The following SLC66A3 variants were observed in gnomAD, a reference collection of about 807,000 sequenced individuals.
SLC66A3 encodes the protein PQ loop repeat containing 3.
A neutral mutation model predicts 25.5 loss-of-function variants in SLC66A3; 23 were observed. The observed-to-expected ratio is 0.90, with a 90% CI of 0.65 to 1.28. The LOEUF (loss-of-function observed/expected upper bound fraction) is 1.28, where lower values mean the gene tolerates loss of function less well. Ranked by LOEUF, SLC66A3 falls within the 50% of genes most tolerant of loss-of-function variation. The pLI, the probability that SLC66A3 is intolerant of heterozygous loss-of-function variation, is 0.00. For missense variants in SLC66A3, 246 were observed against 262.1 expected (o/e 0.94, Z 0.42); for synonymous variants, 108 against 112.6 (o/e 0.96, Z 0.26).
chr2:11,168,281 TG>T (rs1348253690), intron 4 of SLC66A3, among the ~76,000 whole-genome samples: 2 of 148,676 alleles, frequency 1.3e-5, no homozygotes, highest in African/African-American at 2.5e-5. Flanking sequence ...AGACTCTGTC[TG>T]AAAAAAAAAA....
chr2:11,163,449 C>A (rs1662194686), intron 3 of SLC66A3, among the ~76,000 whole-genome samples: 1 of 152,210 alleles, frequency 6.6e-6, no homozygotes, highest in African/African-American at 2.4e-5. Flanking sequence ...GTTCCACTGA[C>A]TTTTAGCACA....
intron 4 of SLC66A3, among the ~76,000 whole-genome samples, chr2:11,167,915 G>A (rs1408278614): frequency 2.0e-5 from 3 of 152,184 alleles, no homozygotes; most frequent in Non-Finnish European, 4.4e-5. Flanking sequence ...GTCCTAAACT[G>A]TGCTTTCATG....
At chr2:11,159,569 G>A (rs1662039338) in intron 1 of SLC66A3, among the ~76,000 whole-genome samples, 1 of 152,220 alleles carries the variant, frequency 6.6e-6, no homozygotes, top group African/African-American at 2.4e-5. Flanking sequence ...GCCTGTTTGT[G>A]AATCGGACTT....
chr2:11,177,036 C>T (rs1209547563), intron 6 of SLC66A3, among the ~76,000 whole-genome samples: 1 of 152,146 alleles, frequency 6.6e-6, no homozygotes, highest in African/African-American at 2.4e-5. Flanking sequence ...TAAAATATGC[C>T]TTGTCCTGTG....
chr2:11,160,530 C>G lies in SLC66A3; in HGVS notation c.208C>G (p.Pro70Ala), dbSNP rs563177731. ...GYPPLTYLEY[P>A]ILIAQDVILL... ...TCCGCCGCTGACCTACCTGGAGTAC[C>G]CCATCCTCATCGCGCAAGGTAACAG... Residue 70 changes from proline (P) to alanine (A), a missense_variant, in exon 2 of 7, where the codon CCC (proline) becomes GCC (alanine). Physicochemically the swap from Pro to Ala is conservative, Grantham distance 27. Transcript: ENST00000295083. 4 of 1,614,152 alleles carry G rather than the reference C, an allele frequency of 2.5e-6. No homozygotes were observed. In the East Asian group the frequency reaches 6.7e-5, roughly 27 times the overall value.
chr2:11,177,885 A>G lies in SLC66A3; in HGVS notation c.*57A>G. On this transcript the variant is annotated 3_prime_UTR_variant, in exon 7 of 7. Transcript: ENST00000295083. ...TGAGTAACTGAACCAAAGGAAAAAG[A>G]AGCTCTTTGCTAAATTAAGGTCTTT... is the stretch of plus-strand genomic sequence containing the variant. The G allele has an allele frequency of 9.6e-7, 1 of 1,041,916 alleles. No homozygotes were observed. 64.5% of individuals were successfully genotyped at this position (1,041,916 alleles called of 1,614,324 possible). A position where few individuals can be genotyped will look rare whatever the true frequency, so the allele number is the denominator to read the frequency against.
At chr2:11,158,830 A>T (rs1255699749) in intron 1 of SLC66A3, among the ~76,000 whole-genome samples, 3 of 152,186 alleles carry the variant, frequency 2.0e-5, no homozygotes, top group Non-Finnish European at 4.4e-5. Context: ...AAAAAAAAGA[A>T]ACATTAAAAA....
intron 4 of SLC66A3, among the ~76,000 whole-genome samples, chr2:11,166,433 G>A (rs1662345471): frequency 6.6e-6 from 1 of 151,784 alleles, no homozygotes; most frequent in Non-Finnish European, 1.5e-5. Context: ...CCTGCCACAC[G>A]CAGACTCATG....
chr2:11,169,046 T>A (rs906996328), intron 4 of SLC66A3, among the ~76,000 whole-genome samples: 1 of 151,996 alleles, frequency 6.6e-6, no homozygotes, highest in Non-Finnish European at 1.5e-5. Flanking sequence ...TTTGTAGAGA[T>A]GGGGTTTCAC....
chr2:11,171,662 G>A (rs925438396), intron 4 of SLC66A3, among the ~76,000 whole-genome samples: 6 of 151,872 alleles, frequency 4.0e-5, no homozygotes, highest in Admixed American at 2.6e-4. Flanking sequence ...TCCACCTCCC[G>A]GGTTCATGCC....
chr2:11,165,674 G>T, intron 4 of SLC66A3, among the ~76,000 whole-genome samples: 1 of 152,206 alleles, frequency 6.6e-6, no homozygotes, highest in Non-Finnish European at 1.5e-5. Context: ...CGGCTGGGAG[G>T]TGCAGGTTGT....
chr2:11,162,217 G>A (rs1662152647), intron 3 of SLC66A3, among the ~76,000 whole-genome samples: 1 of 152,182 alleles, frequency 6.6e-6, no homozygotes, highest in South Asian at 2.1e-4. Flanking sequence ...AGGGAGCTGG[G>A]TTCTGGCTGA....
chr2:11,174,182 T>C (rs912866696), intron 5 of SLC66A3, among the ~76,000 whole-genome samples: 11 of 152,156 alleles, frequency 7.2e-5, no homozygotes, highest in Admixed American at 7.2e-4. Flanking sequence ...GGTCTCGAAC[T>C]TCTGACCTCA....
intron 5 of SLC66A3, among the ~76,000 whole-genome samples, chr2:11,174,487 G>GTT (rs1303840993): frequency 6.6e-6 from 1 of 152,172 alleles, no homozygotes; most frequent in South Asian, 2.1e-4. Flanking sequence ...ATGCATGGCT[G>GTT]TTTTTTGTTT....
At chr2:11,171,368 A>G (rs1356289064) in intron 4 of SLC66A3, among the ~76,000 whole-genome samples, 1 of 152,090 alleles carries the variant, frequency 6.6e-6, no homozygotes, top group Non-Finnish European at 1.5e-5. Context: ...CTTTTTCACC[A>G]AACTTAGGTT....
chr2:11,174,739 G>A (rs958876606), intron 5 of SLC66A3, among the ~76,000 whole-genome samples: 1 of 152,176 alleles, frequency 6.6e-6, no homozygotes, highest in African/African-American at 2.4e-5. Context: ...GACCTCAGGT[G>A]ATCCGGCATG....
intron 4 of SLC66A3, among the ~76,000 whole-genome samples, chr2:11,165,400 G>A (rs1380617809): frequency 6.7e-5 from 10 of 149,064 alleles, no homozygotes; most frequent in Admixed American, 6.7e-4. Flanking sequence ...CCGGGAAGAG[G>A]TGCTCCTCAC....
intron 6 of SLC66A3, among the ~76,000 whole-genome samples, chr2:11,175,246 T>C (rs1030565935): frequency 1.4e-4 from 22 of 152,208 alleles, no homozygotes; most frequent in East Asian, 7.7e-4. Context: ...TCCATGGAAC[T>C]TCCACTTAAG....
At chr2:11,172,152 C>T in intron 5 of SLC66A3, 107 bp downstream of exon 5, 1 of 1,067,352 alleles carries the variant, frequency 9.4e-7, no homozygotes, top group Non-Finnish European at 1.3e-6. Context: ...CGCTTTACTA[C>T]TTTACAAATG....
Sources: gnomAD v4.1 joint callset for allele counts (sites outside exome capture counted in the v4.1 genomes callset) on GRCh38, gnomAD v4.1.1 for gene constraint, MANE v1.5 for transcripts, NCBI Gene and HGNC (gene_info 2026-07-23, HGNC 2026-07-21) for gene names.